The following PRR5L variants were observed in gnomAD, a reference collection of about 807,000 sequenced individuals.
The protein encoded by PRR5L is proline-rich protein 5-like.
In PRR5L, 21 loss-of-function variants were observed where a neutral mutation model predicts 36.4. The ratio of observed to expected loss-of-function variants is 0.58; its 90% CI spans 0.41 to 0.83. PRR5L has a LOEUF of 0.83. PRR5L is among the 40% of genes least tolerant of loss of function. The probability of loss-of-function intolerance (pLI) is 0.00; values close to 1 mark genes in which losing one functional copy is unlikely to be tolerated. For synonymous variants in PRR5L, 188 were observed against 197.0 expected (o/e 0.95, Z 0.38); for missense variants, 381 against 473.3 (o/e 0.80, Z 1.81).
intron 3 of PRR5L, among the ~76,000 whole-genome samples, chr11:36,409,559 CAG>C (rs1857982294): frequency 1.3e-5 from 2 of 152,238 alleles, no homozygotes; most frequent in South Asian, 4.1e-4. Context: ...ATCTCTTTAA[CAG>C]AGTGTTGACT....
rs779316896 is a variant in PRR5L at position 36,419,249 on chromosome 11, C to G, written c.246-6C>G. The G allele has an allele frequency of 1.2e-6, 2 of 1,613,702 alleles. No individual in the cohort carries two copies. The highest frequency in any genetic ancestry group is 2.2e-5 in the East Asian group (1 of 44,900). ...TGACGGTGTTTCTCTTCTCCCTTCTCCCCAGGCGGCTGTTGAAGAGTGAAC... is the reference window on the plus strand; with the variant it reads ...TGACGGTGTTTCTCTTCTCCCTTCTGCCCAGGCGGCTGTTGAAGAGTGAAC... On this transcript the variant is annotated splice_polypyrimidine_tract_variant and splice_region_variant and intron_variant, in intron 3 of 8. Coordinates refer to ENST00000530639, the MANE Select transcript of PRR5L (RefSeq NM_001160167.2).
At chr11:36,387,267 G>A (rs774930301) in intron 1 of PRR5L, among the ~76,000 whole-genome samples, 8 of 152,310 alleles carry the variant, frequency 5.3e-5, no homozygotes, top group Non-Finnish European at 1.0e-4. Flanking sequence ...GGGGCCTGTC[G>A]TGGAGTGTGG....
At chr11:36,461,921 T>C (rs1249830786) in intron 8 of PRR5L, among the ~76,000 whole-genome samples, 1 of 152,202 alleles carries the variant, frequency 6.6e-6, no homozygotes, top group Non-Finnish European at 1.5e-5. Flanking sequence ...GACTCTTTTA[T>C]ATCACCTGTT....
intron 1 of PRR5L, among the ~76,000 whole-genome samples, chr11:36,360,577 A>C (rs777692954): frequency 9.9e-5 from 15 of 152,206 alleles, no homozygotes; most frequent in Non-Finnish European, 1.8e-4. Context: ...TAACACACAC[A>C]CCCACATGCA....
chr11:36,445,344 A>T lies in PRR5L; in HGVS notation c.445-956A>T, dbSNP rs550671007. Among the ~76,000 whole-genome samples the T allele has an allele frequency of 4.6e-5, 7 of 152,216 alleles. No individual in the cohort carries two copies. The East Asian group carries it at 7.7e-4, about 17-fold the overall frequency. On this transcript the variant is annotated intron_variant, in intron 6 of 8. Transcript: ENST00000530639. ...CTCTTTTCTCTTTTGTTCTTGAAAAACTTGAGCTCTAAAATCAAGAAGTTT... is the reference window on the plus strand; with the variant it reads ...CTCTTTTCTCTTTTGTTCTTGAAAATCTTGAGCTCTAAAATCAAGAAGTTT...
intron 1 of PRR5L, among the ~76,000 whole-genome samples, chr11:36,337,317 C>T (rs977083192): frequency 1.1e-4 from 16 of 152,114 alleles, no homozygotes; most frequent in Admixed American, 2.0e-4. Context: ...TTGCCCCTTC[C>T]GGCTTCTCCC....
At chr11:36,456,185 G>A (rs778815865) in intron 8 of PRR5L, among the ~76,000 whole-genome samples, 14 of 152,160 alleles carry the variant, frequency 9.2e-5, no homozygotes, top group Admixed American at 5.2e-4. Flanking sequence ...TCAGGTAAGG[G>A]CCAGGTAGAG....
At chr11:36,380,701 G>A (rs1857353040) in intron 1 of PRR5L, 1 of 152,146 alleles carries the variant, frequency 6.6e-6, no homozygotes, top group African/African-American at 2.4e-5. Flanking sequence ...AATTTAAGCT[G>A]ACTTTTTTAA....
intron 4 of PRR5L, among the ~76,000 whole-genome samples, chr11:36,424,902 AC>A (rs968793253): frequency 5.3e-5 from 8 of 151,766 alleles, no homozygotes. Flanking sequence ...GCTCAATGCA[AC>A]CTCCGCCTCC....
intron 1 of PRR5L, among the ~76,000 whole-genome samples, chr11:36,324,748 A>G (rs970662597): frequency 5.3e-5 from 8 of 152,194 alleles, no homozygotes; most frequent in African/African-American, 1.9e-4. Flanking sequence ...AGAATTTTAG[A>G]CAATACTGAA....
intron 3 of PRR5L, among the ~76,000 whole-genome samples, chr11:36,409,019 C>T (rs1302267616): frequency 6.6e-6 from 1 of 152,110 alleles, no homozygotes; most frequent in Admixed American, 6.5e-5. Context: ...GGAGATCTTA[C>T]AGCAGAATGA....
intron 3 of PRR5L, among the ~76,000 whole-genome samples, chr11:36,408,101 C>T (rs1857947848): frequency 6.6e-6 from 1 of 152,096 alleles, no homozygotes; most frequent in African/African-American, 2.4e-5. Context: ...TGGCAAAACC[C>T]TGACTCTACT....
intron 1 of PRR5L, among the ~76,000 whole-genome samples, chr11:36,332,778 C>A (rs114290534): frequency 6.6e-6 from 1 of 152,168 alleles, no homozygotes. Context: ...CTCCCTCTCT[C>A]GCCATGTGAT....
intron 3 of PRR5L, among the ~76,000 whole-genome samples, chr11:36,410,967 G>A (rs758446527): frequency 1.3e-5 from 2 of 152,220 alleles, no homozygotes; most frequent in Non-Finnish European, 2.9e-5. Flanking sequence ...TCACCAAAGG[G>A]CCAGGGTGCA....
chr11:36,369,917 G>T (rs893369485), intron 1 of PRR5L, among the ~76,000 whole-genome samples: 3 of 152,096 alleles, frequency 2.0e-5, no homozygotes, highest in Non-Finnish European at 4.4e-5. Flanking sequence ...TATTTATTTG[G>T]AATGTTTCCT....
chr11:36,431,352 C>T (rs1348379961), intron 4 of PRR5L, among the ~76,000 whole-genome samples: 2 of 152,188 alleles, frequency 1.3e-5, no homozygotes, highest in Non-Finnish European at 2.9e-5. Context: ...TTTCTCTTTC[C>T]ACAATTTCCC....
chr11:36,355,782 C>T (rs11600067), intron 1 of PRR5L, among the ~76,000 whole-genome samples: 36,047 of 151,726 alleles, frequency 0.24, 5,330 homozygotes, highest in Non-Finnish European at 0.33. Context: ...AGTCTGGTCT[C>T]GAACTCCTGA....
chr11:36,396,547 G>C (rs564363042), intron 1 of PRR5L, among the ~76,000 whole-genome samples: 1 of 152,298 alleles, frequency 6.6e-6, no homozygotes, highest in African/African-American at 2.4e-5. Flanking sequence ...ATCATGGCTT[G>C]GCAATTTAGA....
At chr11:36,442,577 T>C (rs139550540) in intron 6 of PRR5L, among the ~76,000 whole-genome samples, 2,072 of 152,300 alleles carry the variant, frequency 0.014, 48 homozygotes, top group African/African-American at 0.047. Context: ...CCTGACCTTG[T>C]GATCCACCCG....
Sources: allele counts gnomAD v4.1 joint callset (sites outside exome capture counted in the v4.1 genomes callset), GRCh38; gene constraint gnomAD v4.1.1; transcripts MANE v1.5; gene names NCBI Gene and HGNC (gene_info 2026-07-23, HGNC 2026-07-21).